Variants in ABCB7 observed in about 807,000 individuals in gnomAD.
The protein encoded by ABCB7 is iron-sulfur clusters transporter ABCB7, mitochondrial.
Under a neutral mutation model 54.4 loss-of-function variants are expected in ABCB7, and 7 were observed. The observed-to-expected ratio is 0.13, with a 90% CI of 0.07 to 0.24. The LOEUF is 0.24. Among genes scored for constraint, ABCB7 ranks in the 10% least tolerant of loss-of-function variants. The pLI, the probability that ABCB7 is intolerant of heterozygous loss-of-function variation, is 1.00. For missense variants in ABCB7, 356 were observed against 570.4 expected, an observed-to-expected ratio of 0.62 and a Z score of 3.83; for synonymous variants, 218 against 207.1, an observed-to-expected ratio of 1.05 and a Z score of -0.45.
chrX:75,105,952 C>A lies in ABCB7; in HGVS notation c.334-6891G>T, dbSNP rs12009697. ...GATAGTCACATACAGAATAATGACACTGGACCCATATCTCTCACTAAAAAC... is the reference window on the plus strand; with the variant it reads ...GATAGTCACATACAGAATAATGACAATGGACCCATATCTCTCACTAAAAAC... On this transcript the variant is annotated intron_variant, in intron 3 of 15. Transcript: ENST00000373394. 7.5e-3 allele frequency among the ~76,000 whole-genome samples: 833 copies of A among 111,459 alleles called. 10 individuals carry two copies. Among genetic ancestry groups the A allele is most frequent in the African/African-American group, 0.025 (779 of 30,728 alleles).
At chrX:75,068,861 C>T (rs2081341979) in intron 12 of ABCB7, 146 bp downstream of exon 12, 1 of 700,133 alleles carries the variant, frequency 1.4e-6, no homozygotes, top group African/African-American at 2.2e-5. Flanking sequence ...TTAAAAAATC[C>T]CTTTTGATAC....
chrX:75,072,722 G>T lies in ABCB7; in HGVS notation c.1032+967C>A, dbSNP rs761163955. Among the ~76,000 whole-genome samples, 7 of 111,012 alleles carry T rather than the reference G, an allele frequency of 6.3e-5. No homozygotes were observed. In the East Asian group the frequency reaches 2.0e-3, roughly 31 times the overall value. On this transcript the variant is annotated intron_variant, in intron 8 of 15. Coordinates refer to ENST00000373394, the MANE Select transcript of ABCB7 (RefSeq NM_001271696.3). ...ACTGTAGACTTTATAAACACTGTATGCTCAGGCTACACTAAATTTATTTAA... is the reference window on the plus strand; with the variant it reads ...ACTGTAGACTTTATAAACACTGTATTCTCAGGCTACACTAAATTTATTTAA...
intron 8 of ABCB7, among the ~76,000 whole-genome samples, chrX:75,072,708 T>C (rs1247747804): frequency 9.0e-6 from 1 of 111,437 alleles, no homozygotes; most frequent in African/African-American, 3.3e-5. Flanking sequence ...CTGTAGACTT[T>C]ATAAACACTG....
At chrX:75,074,217 G>A in intron 6 of ABCB7, among the ~76,000 whole-genome samples, 1 of 111,061 alleles carries the variant, frequency 9.0e-6, no homozygotes, top group Non-Finnish European at 1.9e-5. Flanking sequence ...GCCTAAAGAG[G>A]AATAAAAAAT....
chrX:75,114,705 G>A (rs755143857), intron 2 of ABCB7, 49 bp downstream of exon 2: 1 of 1,084,433 alleles, frequency 9.2e-7, no homozygotes, highest in South Asian at 1.9e-5. Context: ...TACTCCAAGG[G>A]TTTACAGGTT....
At chrX:75,131,012 A>G (rs1039211756) in intron 1 of ABCB7, among the ~76,000 whole-genome samples, 1 of 110,917 alleles carries the variant, frequency 9.0e-6, no homozygotes, top group Non-Finnish European at 1.9e-5. Flanking sequence ...AGAATAAGAA[A>G]AAACTACCTC....
intron 4 of ABCB7, among the ~76,000 whole-genome samples, chrX:75,078,147 T>G (rs1161754531): frequency 9.1e-6 from 1 of 109,713 alleles, no homozygotes. Context: ...CTCCTGACCT[T>G]GTGATCCGCC....
At chrX:75,127,895 T>A (rs761003909) in intron 1 of ABCB7, among the ~76,000 whole-genome samples, 1 of 111,835 alleles carries the variant, frequency 8.9e-6, no homozygotes, top group Admixed American at 9.5e-5. Flanking sequence ...TTACAAGGGA[T>A]GTGAAGGACC....
chrX:75,075,053 C>A (rs1367731612), intron 6 of ABCB7, among the ~76,000 whole-genome samples: 1 of 110,739 alleles, frequency 9.0e-6, no homozygotes, highest in Non-Finnish European at 1.9e-5. Flanking sequence ...TGATGAGAAA[C>A]CTAGATATTC....
intron 4 of ABCB7, among the ~76,000 whole-genome samples, chrX:75,098,022 T>C (rs1174818675): frequency 9.0e-6 from 1 of 111,230 alleles, no homozygotes; most frequent in East Asian, 2.8e-4. Flanking sequence ...TCTGAGTAAA[T>C]TGGGGGCTGG....
chrX:75,119,990 GA>G (rs1255847289), intron 1 of ABCB7, among the ~76,000 whole-genome samples: 2 of 111,685 alleles, frequency 1.8e-5, no homozygotes, highest in African/African-American at 6.5e-5. Flanking sequence ...TTAGAATAGA[GA>G]AAAAAACTTT....
At chrX:75,088,857 A>C (rs1175071066) in intron 4 of ABCB7, among the ~76,000 whole-genome samples, 4 of 107,054 alleles carry the variant, frequency 3.7e-5, no homozygotes, top group African/African-American at 6.8e-5. Context: ...AAAAAAAAAA[A>C]CACAACAACA....
At chrX:75,120,098 T>C (rs1473766799) in intron 1 of ABCB7, among the ~76,000 whole-genome samples, 2 of 112,184 alleles carry the variant, frequency 1.8e-5, no homozygotes, top group African/African-American at 3.2e-5. Context: ...GTAATCTTTT[T>C]TACTTTGCTT....
intron 3 of ABCB7, among the ~76,000 whole-genome samples, chrX:75,101,255 G>A (rs1370646856): frequency 2.8e-5 from 3 of 109,057 alleles, no homozygotes; most frequent in South Asian, 8.1e-4. Flanking sequence ...GGAACGGGGG[G>A]AAATTGTCAA....
chrX:75,058,519 T>C (rs1490096391), intron 15 of ABCB7, among the ~76,000 whole-genome samples: 1 of 111,707 alleles, frequency 9.0e-6, no homozygotes, highest in Non-Finnish European at 1.9e-5. Context: ...ACACAGGAGG[T>C]GACAGATTAT....
chrX:75,137,340 T>C (rs1180792786), intron 1 of ABCB7, among the ~76,000 whole-genome samples: 2 of 112,257 alleles, frequency 1.8e-5, no homozygotes, highest in East Asian at 2.8e-4. Flanking sequence ...TACCATCTCA[T>C]ACCAGTTGGG....
intron 1 of ABCB7, among the ~76,000 whole-genome samples, chrX:75,138,518 A>T (rs2082030972): frequency 8.9e-6 from 1 of 112,105 alleles, no homozygotes; most frequent in Admixed American, 9.4e-5. Flanking sequence ...ATTGGAGGGA[A>T]TGAAGAAACA....
chrX:75,072,074 G>T (rs191043045), intron 8 of ABCB7, among the ~76,000 whole-genome samples: 88 of 111,113 alleles, frequency 7.9e-4, no homozygotes, highest in Non-Finnish European at 1.5e-3. Context: ...TAAAATTCTG[G>T]GATAGCAGGG....
At chrX:75,132,065 C>T (rs746469044) in intron 1 of ABCB7, among the ~76,000 whole-genome samples, 6 of 110,994 alleles carry the variant, frequency 5.4e-5, no homozygotes, top group East Asian at 2.9e-4. Context: ...CTTGGGGCTG[C>T]GCGTAGCTTC....
Sources: allele counts gnomAD v4.1 joint callset (sites outside exome capture counted in the v4.1 genomes callset), GRCh38; gene constraint gnomAD v4.1.1; transcripts MANE v1.5; gene names NCBI Gene and HGNC (gene_info 2026-07-23, HGNC 2026-07-21).